MGAT5B: variants seen among roughly 807,000 people sequenced by gnomAD.
MGAT5B encodes N-acetylglucosaminyl-transferase Vb.
In MGAT5B, 54 loss-of-function variants were observed where a neutral mutation model predicts 95.1. The ratio of observed to expected loss-of-function variants is 0.57; its 90% CI spans 0.46 to 0.71. MGAT5B has a LOEUF of 0.71. Ranked by LOEUF, MGAT5B falls within the 30% of genes least tolerant of loss-of-function variation. The pLI, the probability that MGAT5B is intolerant of heterozygous loss-of-function variation, is 0.00. For synonymous variants in MGAT5B, 464 were observed against 451.0 expected (o/e 1.03, Z -0.36); for missense variants, 935 against 1,088.6 (o/e 0.86, Z 1.99).
intron 16 of MGAT5B, among the ~76,000 whole-genome samples, 197 bp downstream of exon 16, chr17:76,946,647 G>A (rs889718333): frequency 1.3e-5 from 2 of 152,258 alleles, no homozygotes; most frequent in African/African-American, 4.8e-5. Context: ...CTGGAAAGCA[G>A]CACACTCCGG....
At chr17:76,903,522 A>G (rs2145189014) in intron 5 of MGAT5B, 146 bp downstream of exon 5, 1 of 525,448 alleles carries the variant, frequency 1.9e-6, no homozygotes, top group Non-Finnish European at 3.3e-6. Context: ...CCATCAATCC[A>G]AATCCCCCAG....
At position 76,947,985 on chromosome 17, in the gene MGAT5B, G is replaced by A; in HGVS notation, c.2079G>A (p.Leu693=). 6.2e-7 allele frequency: 1 copy of A among 1,612,262 alleles called. No homozygotes were observed. Residue 693 remains leucine, a synonymous_variant, in exon 17 of 18, where the codon CTG becomes CTA. Transcript: ENST00000569840. ...CCGCGCACGCCCTGCGGGCCTGGCT[G>A]GCCGTGCCTGGGAGGGCCTGCACCG... ...WPPAHALRAW[L]AVPGRACTDT... is the part of the protein sequence containing the mutation.
intron 5 of MGAT5B, among the ~76,000 whole-genome samples, chr17:76,903,758 G>A (rs73373724): frequency 0.091 from 13,815 of 152,252 alleles, 1,651 homozygotes; most frequent in African/African-American, 0.27. Flanking sequence ...GTCCACAGCC[G>A]TGAAGTCAGC....
rs537156476 is a variant in MGAT5B, at chr17:76,932,232, A to C, written c.1292-413A>C. On this transcript the variant is annotated intron_variant, in intron 10 of 17. Coordinates refer to ENST00000569840, the MANE Select transcript of MGAT5B (RefSeq NM_001199172.2). Reference sequence around the variant, plus strand: ...ACTGCAGCCTTGAACTAGTGGGCTCAAGCGATTCTCCCACCTCAGCCTCTC... The same window carrying C: ...ACTGCAGCCTTGAACTAGTGGGCTCCAGCGATTCTCCCACCTCAGCCTCTC... Among the ~76,000 whole-genome samples the C allele has an allele frequency of 5.3e-5, 8 of 152,012 alleles. No homozygotes were observed. The East Asian group carries it at 1.4e-3, about 26-fold the overall frequency.
intron 2 of MGAT5B, among the ~76,000 whole-genome samples, chr17:76,874,969 G>A (rs487598): frequency 0.27 from 41,398 of 152,020 alleles, 8,254 homozygotes; most frequent in African/African-American, 0.56. Context: ...GTGTGTGTGC[G>A]TGTACGTGGT....
At chr17:76,903,654 C>T (rs1202636989) in intron 5 of MGAT5B, among the ~76,000 whole-genome samples, 2 of 152,202 alleles carry the variant, frequency 1.3e-5, no homozygotes, top group African/African-American at 4.8e-5. Context: ...CCTGTCCCTG[C>T]TCCTCCTGGC....
intron 13 of MGAT5B, among the ~76,000 whole-genome samples, chr17:76,939,546 G>C (rs1969798394): frequency 6.6e-6 from 1 of 152,014 alleles, no homozygotes; most frequent in Admixed American, 6.6e-5. Context: ...TTAGGTTTAA[G>C]GGGTACATAT....
At position 76,869,882 on chromosome 17, in the gene MGAT5B, C is replaced by T. The variant is rs1029786500; in HGVS notation, c.68+785C>T. On this transcript the variant is annotated intron_variant, in intron 1 of 17. Transcript: ENST00000569840. This position sits in a 1 kb window ranked among gnomAD's most constrained non-coding sequence, Gnocchi z 7.0. ...TGGACCCAGCCAGGGGCCCCCAGGG[C>T]CCAGCGGTGCCGGGGCAGCCCCCTC... is the stretch of plus-strand genomic sequence containing the variant. Among the ~76,000 whole-genome samples the T allele has an allele frequency of 6.6e-6, 1 of 152,102 alleles. No homozygotes were observed. Among genetic ancestry groups the T allele is most frequent in the Non-Finnish European group, 1.5e-5 (1 of 67,984 alleles).
chr17:76,948,089 G>A lies in MGAT5B; in HGVS notation c.2180+3G>A, dbSNP rs1019959619. Reference sequence around the variant, plus strand: ...AACAGCCAGGACGCCTTCCTCAAGTGAGTGTTCCCCCACCCTCCCCACCCA... The same window carrying A: ...AACAGCCAGGACGCCTTCCTCAAGTAAGTGTTCCCCCACCCTCCCCACCCA... On this transcript the variant is annotated splice_donor_region_variant and intron_variant, in intron 17 of 17. Coordinates refer to ENST00000569840, the MANE Select transcript of MGAT5B (RefSeq NM_001199172.2). The A allele has an allele frequency of 2.5e-6, 4 of 1,589,342 alleles. No homozygotes were observed. The African/African-American group carries it at 4.0e-5, about 16-fold the overall frequency.
At chr17:76,879,273 G>T (rs1340987297) in intron 2 of MGAT5B, among the ~76,000 whole-genome samples, 1 of 152,140 alleles carries the variant, frequency 6.6e-6, no homozygotes, top group Non-Finnish European at 1.5e-5. Flanking sequence ...AGGGTGCCAG[G>T]CCTAAGGCGC....
At chr17:76,885,017 T>C (rs540683209) in intron 3 of MGAT5B, among the ~76,000 whole-genome samples, 1 of 152,130 alleles carries the variant, frequency 6.6e-6, no homozygotes, top group East Asian at 1.9e-4. Flanking sequence ...GGATTATAGG[T>C]GTGAGCCACT....
At chr17:76,925,371 C>A (rs1313457887) in intron 9 of MGAT5B, among the ~76,000 whole-genome samples, 2 of 145,830 alleles carry the variant, frequency 1.4e-5, no homozygotes, top group Non-Finnish European at 3.0e-5. Flanking sequence ...GGGTCATCTA[C>A]ATGGAGCGGA....
chr17:76,911,192 A>G (rs1185444070), intron 8 of MGAT5B, among the ~76,000 whole-genome samples: 1 of 152,164 alleles, frequency 6.6e-6, no homozygotes, highest in East Asian at 1.9e-4. Context: ...AGTGATTCTA[A>G]TGGGCACCAA....
chr17:76,869,910 C>T lies in MGAT5B; in HGVS notation c.68+813C>T, dbSNP rs989317138. Reference sequence around the variant, plus strand: ...AGCGGTGCCGGGGCAGCCCCCTCTCCTCCCAGGCATCCGCGGAACCGGCCC... The same window carrying T: ...AGCGGTGCCGGGGCAGCCCCCTCTCTTCCCAGGCATCCGCGGAACCGGCCC... On this transcript the variant is annotated intron_variant, in intron 1 of 17. Transcript: ENST00000569840. This position sits in a 1 kb window ranked among gnomAD's most constrained non-coding sequence, Gnocchi z 7.0. 9.2e-5 allele frequency among the ~76,000 whole-genome samples: 14 copies of T among 152,140 alleles called. No homozygotes were observed. Among genetic ancestry groups the T allele is most frequent in the Non-Finnish European group, 1.8e-4 (12 of 67,996 alleles).
At chr17:76,874,634 G>A (rs1967121427) in intron 2 of MGAT5B, among the ~76,000 whole-genome samples, 1 of 152,120 alleles carries the variant, frequency 6.6e-6, no homozygotes, top group African/African-American at 2.4e-5. Context: ...TTAGGGATGG[G>A]GGAGAGGAGG....
In MGAT5B at chr17:76,938,290, G is replaced by C; in HGVS notation, c.1584+147G>C. The C allele has an allele frequency of 8.9e-7, 1 of 1,124,946 alleles. No individual in the cohort carries two copies. The highest frequency in any genetic ancestry group is 2.5e-5 in the Admixed American group (1 of 40,774). The allele number at this position is 1,124,946 out of a possible 1,614,324, so 69.7% of individuals were successfully genotyped here. ...CTGCCCTGAGCCCCACATCTGGCCA[G>C]AGCCCAGGGGCAGAGATGTGGGTGC... On this transcript the variant is annotated intron_variant, in intron 13 of 17. Coordinates refer to ENST00000569840, the MANE Select transcript of MGAT5B (RefSeq NM_001199172.2). This position sits in a 1 kb window ranked among gnomAD's most constrained non-coding sequence, Gnocchi z 4.3.
chr17:76,911,027 A>G (rs1968714970), intron 8 of MGAT5B, among the ~76,000 whole-genome samples: 1 of 152,252 alleles, frequency 6.6e-6, no homozygotes, highest in South Asian at 2.1e-4. Flanking sequence ...AGCATCAGCT[A>G]TGGTTGGAAT....
In MGAT5B at chr17:76,938,280, C is replaced by T; in HGVS notation, c.1584+137C>T. 1.6e-6 allele frequency: 2 copies of T among 1,213,504 alleles called. No individual in the cohort carries two copies. Among genetic ancestry groups the T allele is most frequent in the Non-Finnish European group, 1.1e-6 (1 of 874,474 alleles). The allele number at this position is 1,213,504 out of a possible 1,614,324, so 75.2% of individuals were successfully genotyped here. ...GCATGCTCTGCTGCCCTGAGCCCCACATCTGGCCAGAGCCCAGGGGCAGAG... is the reference window on the plus strand; with the variant it reads ...GCATGCTCTGCTGCCCTGAGCCCCATATCTGGCCAGAGCCCAGGGGCAGAG... On this transcript the variant is annotated intron_variant, in intron 13 of 17. Transcript: ENST00000569840. The surrounding 1 kb of genome is among the most constrained non-coding windows in gnomAD (Gnocchi z 4.3).
intron 3 of MGAT5B, among the ~76,000 whole-genome samples, chr17:76,901,395 A>G (rs1022807963): frequency 3.7e-5 from 5 of 136,630 alleles, no homozygotes; most frequent in Non-Finnish European, 7.6e-5. Flanking sequence ...AAACCGAATT[A>G]ATGTGTTAAA....
Sources: gnomAD v4.1 joint callset for allele counts (sites outside exome capture counted in the v4.1 genomes callset) on GRCh38, gnomAD v4.1.1 for gene constraint, Gnocchi (gnomAD v3.1) non-coding constraint, MANE v1.5 for transcripts, NCBI Gene and HGNC (gene_info 2026-07-23, HGNC 2026-07-21) for gene names.